Variants in THSD7B observed in about 807,000 individuals in gnomAD.
The protein encoded by THSD7B is thrombospondin type-1 domain-containing protein 7B.
Under a neutral mutation model 213.6 loss-of-function variants are expected in THSD7B, and 138 were observed. The observed-to-expected ratio is 0.65, with a 90% CI of 0.56 to 0.74. THSD7B has a LOEUF of 0.74. Among genes scored for constraint, THSD7B ranks in the 30% least tolerant of loss-of-function variants. THSD7B has a pLI of 0.00. For missense variants in THSD7B, 1,931 were observed against 1,991.5 expected (o/e 0.97, Z 0.58); for synonymous variants, 742 against 687.0 (o/e 1.08, Z -1.25).
At chr2:137,265,407 A>G (rs1043122339) in intron 10 of THSD7B, among the ~76,000 whole-genome samples, 7 of 152,310 alleles carry the variant, frequency 4.6e-5, no homozygotes, top group Non-Finnish European at 8.8e-5. Flanking sequence ...TCAGTGTGGC[A>G]ATTCCTCAGG....
At chr2:137,442,951 G>A (rs914308423) in intron 14 of THSD7B, among the ~76,000 whole-genome samples, 1 of 152,094 alleles carries the variant, frequency 6.6e-6, no homozygotes, top group Non-Finnish European at 1.5e-5. Flanking sequence ...TTAAATCTGT[G>A]TGTCTTTATT....
At chr2:137,574,049 A>C (rs1361578841) in intron 17 of THSD7B, among the ~76,000 whole-genome samples, 1 of 152,140 alleles carries the variant, frequency 6.6e-6, no homozygotes, top group Non-Finnish European at 1.5e-5. Context: ...AACCTATAGA[A>C]GAATTAGCAG....
intron 1 of THSD7B, among the ~76,000 whole-genome samples, chr2:136,828,459 A>G: frequency 6.6e-6 from 1 of 152,106 alleles, no homozygotes; most frequent in East Asian, 1.9e-4. Context: ...TTTCTTAAAT[A>G]TCTCCCCATA....
Position 137,568,803 on chromosome 2 carries a change from A to G in THSD7B, c.3273-3603A>G, listed in dbSNP as rs370808904. On this transcript the variant is annotated intron_variant, in intron 16 of 27. Coordinates refer to ENST00000409968, the MANE Select transcript of THSD7B (RefSeq NM_001316349.2). ...TCTCCCTGAACACCTGGCGATTACA[A>G]TTCAAGATGAGATTTGGGTGGGGAC... 1.2e-4 allele frequency among the ~76,000 whole-genome samples: 18 copies of G among 152,270 alleles called. 2 individuals carry two copies. The South Asian group carries it at 3.7e-3, about 32-fold the overall frequency.
At chr2:137,082,301 G>GTA (rs1687761485) in intron 3 of THSD7B, among the ~76,000 whole-genome samples, 1 of 152,074 alleles carries the variant, frequency 6.6e-6, no homozygotes, top group Non-Finnish European at 1.5e-5. Flanking sequence ...TTGAAAGTGT[G>GTA]TATATGTGTG....
At chr2:137,208,571 T>C (rs1421293644) in intron 7 of THSD7B, among the ~76,000 whole-genome samples, 1 of 152,060 alleles carries the variant, frequency 6.6e-6, no homozygotes, top group African/African-American at 2.4e-5. Flanking sequence ...CTGAAACAGT[T>C]GTTATGGAGG....
chr2:137,476,967 G>A (rs1688206867), intron 15 of THSD7B, among the ~76,000 whole-genome samples: 1 of 152,242 alleles, frequency 6.6e-6, no homozygotes, highest in Non-Finnish European at 1.5e-5. Flanking sequence ...TCCATGTGCT[G>A]ATGAGAAGAA....
intron 2 of THSD7B, among the ~76,000 whole-genome samples, chr2:136,962,893 A>G (rs1221832747): frequency 1.3e-5 from 2 of 152,206 alleles, no homozygotes; most frequent in African/African-American, 4.8e-5. Flanking sequence ...CATTTGAAAG[A>G]AGAATGAAAA....
chr2:136,795,000 G>A (rs1682036334), intron 1 of THSD7B, among the ~76,000 whole-genome samples: 1 of 151,834 alleles, frequency 6.6e-6, no homozygotes, highest in Admixed American at 6.6e-5. Flanking sequence ...GTTAACATCT[G>A]CTTGATATAC....
intron 2 of THSD7B, among the ~76,000 whole-genome samples, chr2:137,004,990 G>A (rs1686076464): frequency 6.6e-6 from 1 of 152,100 alleles, no homozygotes; most frequent in African/African-American, 2.4e-5. Context: ...AGTGCATTTT[G>A]TAACTTTTCT....
At chr2:137,464,380 A>C (rs1687947324) in intron 15 of THSD7B, among the ~76,000 whole-genome samples, 1 of 152,076 alleles carries the variant, frequency 6.6e-6, no homozygotes, top group African/African-American at 2.4e-5. Context: ...TAGGAAAGTG[A>C]GTAGGAAGTG....
intron 27 of THSD7B, among the ~76,000 whole-genome samples, chr2:137,674,920 A>G (rs1007503024): frequency 1.3e-5 from 2 of 152,332 alleles, no homozygotes; most frequent in East Asian, 1.9e-4. Flanking sequence ...TGCTTCAAAC[A>G]TCAATCAAAA....
chr2:136,815,528 T>G (rs752051184), intron 1 of THSD7B, among the ~76,000 whole-genome samples: 1 of 152,224 alleles, frequency 6.6e-6, no homozygotes, highest in Non-Finnish European at 1.5e-5. Context: ...ACTTATTAGA[T>G]GCTTTTTCCC....
intron 5 of THSD7B, among the ~76,000 whole-genome samples, chr2:137,124,744 A>G (rs538363988): frequency 2.6e-5 from 4 of 152,296 alleles, no homozygotes; most frequent in African/African-American, 9.6e-5. Flanking sequence ...TGACAAGTAA[A>G]AATGTTATGT....
intron 1 of THSD7B, among the ~76,000 whole-genome samples, chr2:136,874,404 G>A: frequency 6.6e-6 from 1 of 152,162 alleles, no homozygotes. Context: ...GCAGAATATT[G>A]CAGTCAGACA....
intron 10 of THSD7B, among the ~76,000 whole-genome samples, chr2:137,270,127 C>T (rs535387902): frequency 9.2e-5 from 14 of 152,174 alleles, no homozygotes; most frequent in Admixed American, 3.3e-4. Flanking sequence ...TCCATAGGAA[C>T]TGTGGCTTTT....
chr2:137,330,962 A>G (rs1684489949), intron 12 of THSD7B, among the ~76,000 whole-genome samples: 1 of 152,182 alleles, frequency 6.6e-6, no homozygotes, highest in Non-Finnish European at 1.5e-5. Context: ...TCCCCATCAG[A>G]TTAGTTAGAT....
At chr2:137,607,993 A>C (rs1682216095) in intron 17 of THSD7B, among the ~76,000 whole-genome samples, 1 of 152,190 alleles carries the variant, frequency 6.6e-6, no homozygotes, top group Middle Eastern at 3.2e-3. Flanking sequence ...AAGTCTTACC[A>C]GGAATGTTTT....
chr2:137,076,891 T>G (rs1026188309), intron 3 of THSD7B, among the ~76,000 whole-genome samples: 6 of 152,102 alleles, frequency 3.9e-5, no homozygotes, highest in Admixed American at 1.3e-4. Flanking sequence ...TAGTTACATA[T>G]GTATACATGT....
Sources: allele counts gnomAD v4.1 joint callset (sites outside exome capture counted in the v4.1 genomes callset), GRCh38; gene constraint gnomAD v4.1.1; transcripts MANE v1.5; gene names NCBI Gene and HGNC (gene_info 2026-07-23, HGNC 2026-07-21).